Variants in KDM4C observed in about 807,000 individuals in gnomAD.
KDM4C encodes the protein lysine-specific demethylase 4C.
A neutral mutation model predicts 129.3 loss-of-function variants in KDM4C; 81 were observed. The ratio of observed to expected loss-of-function variants is 0.63; its 90% CI spans 0.52 to 0.75. The LOEUF (loss-of-function observed/expected upper bound fraction) is 0.75. Ranked by LOEUF, KDM4C falls within the 30% of genes least tolerant of loss-of-function variation. KDM4C has a pLI of 0.00. For synonymous variants in KDM4C, 573 were observed against 456.1 expected, an observed-to-expected ratio of 1.26 and a Z score of -3.26; for missense variants, 1,457 against 1,304.0, an observed-to-expected ratio of 1.12 and a Z score of -1.81.
chr9:6,921,860 C>T lies in KDM4C; in HGVS notation c.921+28628C>T, dbSNP rs77191728. On this transcript the variant is annotated intron_variant, in intron 8 of 21. Coordinates refer to ENST00000381309, the MANE Select transcript of KDM4C (RefSeq NM_015061.6). ...CACTCTGTACCAACACAGTAAGGCA[C>T]ATTAATGCCCTAGGTCCCCCAGGTT... Among the ~76,000 whole-genome samples, 5 of 152,266 alleles carry T rather than the reference C, an allele frequency of 3.3e-5. No homozygotes were observed. In the East Asian group the frequency reaches 9.6e-4, roughly 29 times the overall value.
At chr9:6,761,157 C>T (rs1391698994) in intron 1 of KDM4C, among the ~76,000 whole-genome samples, 1 of 151,808 alleles carries the variant, frequency 6.6e-6, no homozygotes, top group Non-Finnish European at 1.5e-5. Flanking sequence ...TTACAGGCAC[C>T]CACCATCATG....
At chr9:6,757,720 G>C, upstream of KDM4C, 2 of 985,636 alleles carry the variant, frequency 2.0e-6, no homozygotes, top group Non-Finnish European at 2.4e-6. Flanking sequence ...ACCCCAGCCA[G>C]CGCTTCCGGG....
chr9:6,816,676 C>A (rs1195752673), intron 4 of KDM4C, among the ~76,000 whole-genome samples: 1 of 152,170 alleles, frequency 6.6e-6, no homozygotes, highest in Non-Finnish European at 1.5e-5. Flanking sequence ...CCACATCCTC[C>A]CTAACACTCG....
intron 1 of KDM4C, among the ~76,000 whole-genome samples, chr9:6,770,928 A>G (rs1409406423): frequency 6.6e-6 from 1 of 151,356 alleles, no homozygotes; most frequent in Non-Finnish European, 1.5e-5. Context: ...GGTGCATGCC[A>G]CCACTCCCAG....
At chr9:7,028,836 A>T (rs558750186) in intron 15 of KDM4C, among the ~76,000 whole-genome samples, 119 of 152,210 alleles carry the variant, frequency 7.8e-4, no homozygotes, top group Middle Eastern at 6.8e-3. Context: ...TTTCTCTTGT[A>T]ACTGGGCAGC....
intron 8 of KDM4C, among the ~76,000 whole-genome samples, chr9:6,909,140 A>T (rs1468413514): frequency 6.6e-6 from 1 of 152,226 alleles, no homozygotes; most frequent in South Asian, 2.1e-4. Flanking sequence ...TAAAACCTAC[A>T]TGAGAGTATT....
intron 17 of KDM4C, among the ~76,000 whole-genome samples, chr9:7,101,640 A>G (rs1484054433): frequency 6.6e-6 from 1 of 152,182 alleles, no homozygotes; most frequent in Non-Finnish European, 1.5e-5. Context: ...CAAAGATTGA[A>G]TCCTCTCTGG....
intron 15 of KDM4C, among the ~76,000 whole-genome samples, chr9:7,043,089 T>A (rs1433719886): frequency 6.6e-6 from 1 of 152,100 alleles, no homozygotes; most frequent in African/African-American, 2.4e-5. Flanking sequence ...ATCTTTTGAA[T>A]CTGAGTTTCT....
intron 1 of KDM4C, among the ~76,000 whole-genome samples, chr9:6,787,853 T>TA (rs1825798722): frequency 6.6e-6 from 1 of 152,208 alleles, no homozygotes; most frequent in African/African-American, 2.4e-5. Flanking sequence ...GGGGAATGGA[T>TA]GTTTGAGTAC....
chr9:6,807,700 G>A (rs1324219895), intron 3 of KDM4C, among the ~76,000 whole-genome samples: 1 of 147,888 alleles, frequency 6.8e-6, no homozygotes. Flanking sequence ...TGCCCCGTCT[G>A]AGAAGTGAGG....
chr9:6,814,819 G>GAGATTAATATAATTT lies in KDM4C; in HGVS notation c.435+75_435+76insGATTAATATAATTTA, dbSNP rs1831783577. 3 of 911,368 alleles carry GAGATTAATATAATTT rather than the reference G, an allele frequency of 3.3e-6. No individual in the cohort carries two copies. In the East Asian group the frequency reaches 8.1e-5, roughly 25 times the overall value. The allele number at this position is 911,368 out of a possible 1,614,324, so 56.5% of individuals were successfully genotyped here. On this transcript the variant is annotated intron_variant, in intron 4 of 21. Coordinates refer to ENST00000381309, the MANE Select transcript of KDM4C (RefSeq NM_015061.6). ...GTTTTGTTACCATTTAAGCAGTTTA[G>GAGATTAATATAATTT]AAGTGTTCTTTTGTTGTGCTTTTGG...
intron 1 of KDM4C, chr9:6,721,145 C>G (rs1816934225): frequency 3.2e-6 from 2 of 623,624 alleles, no homozygotes; most frequent in Admixed American, 2.7e-5. Flanking sequence ...GCAATCACAC[C>G]TCACTGCAGC....
intron 17 of KDM4C, among the ~76,000 whole-genome samples, chr9:7,082,070 A>C: frequency 6.6e-6 from 1 of 152,216 alleles, no homozygotes; most frequent in East Asian, 1.9e-4. Context: ...CAAAGGCATC[A>C]AATAAATGCT....
At chr9:7,141,876 A>C (rs1485697089) in intron 19 of KDM4C, among the ~76,000 whole-genome samples, 6 of 151,900 alleles carry the variant, frequency 3.9e-5, no homozygotes, top group African/African-American at 1.5e-4. Flanking sequence ...GTGAGAAGAG[A>C]CATCTCATGT....
chr9:6,740,877 G>C (rs1226779916), intron 1 of KDM4C, among the ~76,000 whole-genome samples: 1 of 151,834 alleles, frequency 6.6e-6, no homozygotes, highest in African/African-American at 2.4e-5. Context: ...GTCCAAGTTG[G>C]ATTGCAGTGG....
intron 1 of KDM4C, among the ~76,000 whole-genome samples, chr9:6,772,367 CT>C (rs35857346): frequency 4.6e-4 from 56 of 121,736 alleles, no homozygotes; most frequent in African/African-American, 6.8e-4. Context: ...CAGACTGGTC[CT>C]TTTTTTTTTT....
At chr9:6,757,561 C>G (rs1452458825), upstream of KDM4C, 2 of 920,542 alleles carry the variant, frequency 2.2e-6, no homozygotes, top group Non-Finnish European at 2.6e-6. Context: ...CTGCGAGCCC[C>G]GACTTTCTCG....
intron 8 of KDM4C, among the ~76,000 whole-genome samples, chr9:6,904,705 A>G (rs998829718): frequency 6.6e-6 from 1 of 152,226 alleles, no homozygotes; most frequent in African/African-American, 2.4e-5. Flanking sequence ...CAGCATTTAT[A>G]ACTGGGTCTG....
chr9:6,861,357 A>T (rs781754995), intron 5 of KDM4C, among the ~76,000 whole-genome samples: 3 of 152,176 alleles, frequency 2.0e-5, no homozygotes, highest in Non-Finnish European at 4.4e-5. Context: ...GTGCAGTTTC[A>T]TGCTTCTTTC....
Sources: gnomAD v4.1 joint callset for allele counts (sites outside exome capture counted in the v4.1 genomes callset) on GRCh38, gnomAD v4.1.1 for gene constraint, MANE v1.5 for transcripts, NCBI Gene and HGNC (gene_info 2026-07-23, HGNC 2026-07-21) for gene names.